PTTG1IP2: variants seen among roughly 807,000 people sequenced by gnomAD.
PTTG1IP2 encodes PTTG1IP family member 2.
At position 90,487,358 on chromosome 7, in the gene PTTG1IP2, A is replaced by G. The variant is rs534574936; in HGVS notation, c.224A>G (p.Lys75Arg). 3 of 152,750 alleles carry G rather than the reference A, an allele frequency of 2.0e-5. No individual in the cohort carries two copies. In the South Asian group the frequency reaches 6.2e-4, roughly 32 times the overall value. The allele number at this position is 152,750 out of a possible 1,614,324, so 9.5% of individuals were successfully genotyped here. A position where few individuals can be genotyped will look rare whatever the true frequency, so the allele number is the denominator to read the frequency against. Reference protein sequence around the residue: ...CVWCSEEKACKKYCFPYFGCR... With the variant: ...CVWCSEEKACRKYCFPYFGCR... Reference sequence around the variant, plus strand: ...TGGTGTAGTGAAGAAAAAGCATGCAAAAAATACTGTTTTCCCTATTTCGGT... The same window carrying G: ...TGGTGTAGTGAAGAAAAAGCATGCAGAAAATACTGTTTTCCCTATTTCGGT... Residue 75 changes from lysine to arginine, a missense_variant, in exon 3 of 7, where the codon AAA becomes AGA. Physicochemically the swap from Lys to Arg is conservative, Grantham distance 26. Transcript: ENST00000509356.
At chr7:90,477,038 T>C (rs1024902257) in intron 1 of PTTG1IP2, among the ~76,000 whole-genome samples, 5 of 152,202 alleles carry the variant, frequency 3.3e-5, no homozygotes, top group African/African-American at 4.8e-5. Context: ...GATGGAACTT[T>C]ATGGAATAAC....
intron 1 of PTTG1IP2, among the ~76,000 whole-genome samples, chr7:90,472,794 T>C (rs1797706578): frequency 6.6e-6 from 1 of 152,202 alleles, no homozygotes; most frequent in Admixed American, 6.5e-5. Flanking sequence ...ATTTCTATTT[T>C]CCTGGTTGGA....
intron 6 of PTTG1IP2, among the ~76,000 whole-genome samples, chr7:90,509,541 A>G (rs187950984): frequency 3.7e-4 from 57 of 152,280 alleles, no homozygotes; most frequent in Admixed American, 4.6e-4. Flanking sequence ...TTGAATTAGT[A>G]GTGATAGCAA....
At chr7:90,470,655 C>T (rs11563873) in intron 1 of PTTG1IP2, among the ~76,000 whole-genome samples, 31 of 152,252 alleles carry the variant, frequency 2.0e-4, no homozygotes, top group African/African-American at 5.8e-4. Context: ...CAGTTCTCAG[C>T]GTTGCACTGA....
At chr7:90,484,666 T>C (rs1176802419) in intron 2 of PTTG1IP2, among the ~76,000 whole-genome samples, 1 of 152,176 alleles carries the variant, frequency 6.6e-6, no homozygotes, top group Non-Finnish European at 1.5e-5. Flanking sequence ...TTAGATGTAG[T>C]TAAGGTATTA....
At chr7:90,490,563 G>A (rs922507550) in intron 4 of PTTG1IP2, among the ~76,000 whole-genome samples, 1 of 152,004 alleles carries the variant, frequency 6.6e-6, no homozygotes, top group Non-Finnish European at 1.5e-5. Flanking sequence ...ACAAAGACAA[G>A]TTAGGATAGG....
chr7:90,477,303 T>C lies in PTTG1IP2; in HGVS notation c.146-1925T>C, dbSNP rs528688879. Among the ~76,000 whole-genome samples, 13 of 152,294 alleles carry C rather than the reference T, an allele frequency of 8.5e-5. 1 individual carries two copies. The highest frequency in any genetic ancestry group is 2.9e-4 in the African/African-American group (12 of 41,560). On this transcript the variant is annotated intron_variant, in intron 1 of 6. Coordinates refer to ENST00000509356, the MANE Select transcript of PTTG1IP2 (RefSeq NM_001365443.2). Reference sequence around the variant, plus strand: ...AGAAGAGAAGAAAGAACCTACTGATTCATGTAACACATAGGTCAGCTGTAC... The same window carrying C: ...AGAAGAGAAGAAAGAACCTACTGATCCATGTAACACATAGGTCAGCTGTAC...
At chr7:90,476,931 TA>T (rs572044387) in intron 1 of PTTG1IP2, among the ~76,000 whole-genome samples, 1,629 of 152,240 alleles carry the variant, frequency 0.011, 14 homozygotes, top group Non-Finnish European at 0.015. Context: ...GCAATGCCAA[TA>T]AAAAAATTTT....
At position 90,480,476 on chromosome 7, in the gene PTTG1IP2, G is replaced by T. The variant is rs184601009; in HGVS notation, c.192+1202G>T. Among the ~76,000 whole-genome samples the T allele has an allele frequency of 2.2e-3, 332 of 152,132 alleles. 1 individual carries two copies. The highest frequency in any genetic ancestry group is 3.6e-3 in the Non-Finnish European group (245 of 67,994). ...ATAATAAAACTTTATACCCCGAAGAGCCATCTTGGTCAATTTTTTTAATGT... is the reference window on the plus strand; with the variant it reads ...ATAATAAAACTTTATACCCCGAAGATCCATCTTGGTCAATTTTTTTAATGT... On this transcript the variant is annotated intron_variant, in intron 2 of 6. Coordinates refer to ENST00000509356, the MANE Select transcript of PTTG1IP2 (RefSeq NM_001365443.2).
At chr7:90,511,713 T>C (rs187000035) in intron 6 of PTTG1IP2, among the ~76,000 whole-genome samples, 1 of 152,184 alleles carries the variant, frequency 6.6e-6, no homozygotes, top group Non-Finnish European at 1.5e-5. Context: ...CTCATACTCA[T>C]CTTAAGAGGG....
At chr7:90,474,331 T>G (rs12334129) in intron 1 of PTTG1IP2, among the ~76,000 whole-genome samples, 1 of 152,232 alleles carries the variant, frequency 6.6e-6, no homozygotes, top group African/African-American at 2.4e-5. Context: ...AGCACATGAC[T>G]AGTTATAGAG....
chr7:90,511,922 C>T (rs757542769), intron 6 of PTTG1IP2, among the ~76,000 whole-genome samples: 18 of 152,344 alleles, frequency 1.2e-4, no homozygotes, highest in Non-Finnish European at 2.4e-4. Flanking sequence ...TCCTTCCACT[C>T]AGCCTGGGCA....
intron 1 of PTTG1IP2, among the ~76,000 whole-genome samples, chr7:90,476,928 C>T (rs941996853): frequency 1.3e-5 from 2 of 151,758 alleles, no homozygotes; most frequent in African/African-American, 4.8e-5. Context: ...ATTGCAATGC[C>T]AATAAAAAAA....
At chr7:90,502,699 CT>C (rs1370711196) in intron 6 of PTTG1IP2, among the ~76,000 whole-genome samples, 1 of 152,128 alleles carries the variant, frequency 6.6e-6, no homozygotes, top group Non-Finnish European at 1.5e-5. Flanking sequence ...TGAAAGGAAT[CT>C]TTTTTCTGAG....
At position 90,479,244 on chromosome 7, in the gene PTTG1IP2, G is replaced by C. The variant is rs1240970891; in HGVS notation, c.162G>C (p.Lys54Asn). 6.6e-6 allele frequency: 1 copy of C among 152,556 alleles called. No homozygotes were observed. The highest frequency in any genetic ancestry group is 1.5e-5 in the Non-Finnish European group (1 of 68,020). 9.5% of individuals were successfully genotyped at this position (152,556 alleles called of 1,614,324 possible). Residue 54 changes from lysine to asparagine, a missense_variant, in exon 2 of 7, where the codon AAG becomes AAC. Physicochemically the swap from Lys to Asn is moderately conservative, Grantham distance 94 (BLOSUM62 0). Transcript: ENST00000509356. ...TAATTGTAGAATGTGCTGTAAAGAA[G>C]AGTTGTCAATTGTGCACAGAAGATA... Reference protein sequence around the residue: ...DGNEEECAVKKSCQLCTEDKK... With the variant: ...DGNEEECAVKNSCQLCTEDKK...
At chr7:90,472,322 C>A (rs74344055) in intron 1 of PTTG1IP2, among the ~76,000 whole-genome samples, 3 of 125,248 alleles carry the variant, frequency 2.4e-5, no homozygotes, top group Admixed American at 7.5e-5. Context: ...ACACACACAC[C>A]CCAAATAATC....
chr7:90,499,106 C>T (rs1454790604), intron 6 of PTTG1IP2, among the ~76,000 whole-genome samples: 2 of 152,164 alleles, frequency 1.3e-5, no homozygotes, highest in East Asian at 1.9e-4. Flanking sequence ...CCCACCTCAG[C>T]GTCCCAAAGT....
At chr7:90,494,964 T>G (rs900299169) in intron 6 of PTTG1IP2, among the ~76,000 whole-genome samples, 1 of 152,140 alleles carries the variant, frequency 6.6e-6, no homozygotes, top group African/African-American at 2.4e-5. Flanking sequence ...GAGTTATGAT[T>G]GCGCTACTGC....
At chr7:90,472,644 G>A (rs1431160186) in intron 1 of PTTG1IP2, among the ~76,000 whole-genome samples, 1 of 152,100 alleles carries the variant, frequency 6.6e-6, no homozygotes, top group Non-Finnish European at 1.5e-5. Context: ...TCATTCCTCT[G>A]TCCTCTAGCC....
Sources: gnomAD v4.1 joint callset for allele counts (sites outside exome capture counted in the v4.1 genomes callset) on GRCh38, gnomAD v4.1.1 for gene constraint, MANE v1.5 for transcripts, NCBI Gene and HGNC (gene_info 2026-07-23, HGNC 2026-07-21) for gene names.